MICU3: variants seen among roughly 807,000 people sequenced by gnomAD.
The protein encoded by MICU3 is calcium uptake protein 3, mitochondrial.
Under a neutral mutation model 66.5 loss-of-function variants are expected in MICU3, and 62 were observed. The observed-to-expected ratio is 0.93, with a 90% CI of 0.76 to 1.15. The LOEUF is 1.15. Ranked by LOEUF, MICU3 falls within the 50% of genes most tolerant of loss-of-function variation. MICU3 has a pLI of 0.00. For missense variants in MICU3, 779 were observed against 664.4 expected, an observed-to-expected ratio of 1.17 and a Z score of -1.90; for synonymous variants, 308 against 240.7, an observed-to-expected ratio of 1.28 and a Z score of -2.59.
At position 17,043,884 on chromosome 8, in the gene MICU3, G is replaced by A. The variant is rs187723825; in HGVS notation, c.381+16224G>A. Among the ~76,000 whole-genome samples the A allele has an allele frequency of 1.9e-4, 29 of 152,270 alleles. 1 individual carries two copies. The East Asian group carries it at 4.8e-3, about 25-fold the overall frequency. On this transcript the variant is annotated intron_variant, in intron 1 of 14. Transcript: ENST00000318063. ...ATCCTTCATACTTTGATTCAATATT[G>A]TAAATTTTGTGAGTTATAAGTACAA...
At chr8:17,101,078 T>G (rs1031334317) in intron 9 of MICU3, among the ~76,000 whole-genome samples, 1 of 151,900 alleles carries the variant, frequency 6.6e-6, no homozygotes, top group Admixed American at 6.6e-5. Flanking sequence ...AAAAATATGT[T>G]AAAAGAATAT....
intron 12 of MICU3, 146 bp downstream of exon 12, chr8:17,114,347 G>C (rs914084039): frequency 1.8e-6 from 1 of 553,724 alleles, no homozygotes; most frequent in Non-Finnish European, 3.2e-6. Flanking sequence ...AGTCAGTTCT[G>C]GTACTTGTCA....
chr8:17,108,287 G>A (rs2150819839), intron 11 of MICU3, among the ~76,000 whole-genome samples: 1 of 152,248 alleles, frequency 6.6e-6, no homozygotes, highest in East Asian at 1.9e-4. Flanking sequence ...TAGCGGTCAA[G>A]GGTGCAGTCA....
At chr8:17,059,500 C>G (rs925794243) in intron 1 of MICU3, among the ~76,000 whole-genome samples, 2 of 152,052 alleles carry the variant, frequency 1.3e-5, no homozygotes, top group African/African-American at 4.8e-5. Flanking sequence ...TTTTATAGAC[C>G]TACCACTCTA....
In MICU3 at chr8:17,027,264, GT is replaced by G; in HGVS notation, c.-15del. The stretch of plus-strand genomic sequence containing the variant: ...TTCTCTGCCCCCTCCCAGCTCTGGT[GT>G]GGGCGGCCTCCGCTATGGCTGCGCT... On this transcript the variant is annotated 5_prime_UTR_variant, in exon 1 of 15. Coordinates refer to ENST00000318063, the MANE Select transcript of MICU3 (RefSeq NM_181723.3). 8.9e-7 allele frequency: 1 copy of G among 1,120,266 alleles called. No homozygotes were observed. Among genetic ancestry groups the G allele is most frequent in the Non-Finnish European group, 1.1e-6 (1 of 917,500 alleles). 69.4% of individuals were successfully genotyped at this position (1,120,266 alleles called of 1,614,324 possible). A position where few individuals can be genotyped will look rare whatever the true frequency, so the allele number is the denominator to read the frequency against.
downstream of MICU3, among the ~76,000 whole-genome samples, chr8:17,124,253 T>A (rs1485835470): frequency 6.6e-6 from 1 of 152,136 alleles, no homozygotes; most frequent in Admixed American, 6.6e-5. Context: ...GTTATTATAT[T>A]TGCTTCCTTA....
In MICU3 at chr8:17,086,606, G is replaced by A. The variant is rs557559386; in HGVS notation, c.778-358G>A. Among the ~76,000 whole-genome samples the A allele has an allele frequency of 6.6e-4, 101 of 152,188 alleles. 1 individual carries two copies. The highest frequency in any genetic ancestry group is 6.0e-3 in the Admixed American group (91 of 15,282). ...TTTTAGGAACTTTCAGAATGGGCCT[G>A]TTTTTCTGCAGAACGTTCTATGTCC... On this transcript the variant is annotated intron_variant, in intron 6 of 14. Coordinates refer to ENST00000318063, the MANE Select transcript of MICU3 (RefSeq NM_181723.3).
In MICU3 at chr8:17,081,727, A is replaced by G. The variant is rs1821209765; in HGVS notation, c.681A>G (p.Leu227=). The stretch of plus-strand genomic sequence containing the variant: ...CTTACACAGAATATCTTTTTCTTTT[A>G]TGTATTTTAACAAGTAAGTATACTT... ...VISYTEYLFL[L]CILTKPHAGF... The change falls in exon 5 of 15, where the codon TTA becomes TTG. Residue 227 remains leucine, a synonymous_variant. Coordinates refer to ENST00000318063, the MANE Select transcript of MICU3 (RefSeq NM_181723.3). 2 of 928,066 alleles carry G rather than the reference A, an allele frequency of 2.2e-6. No individual in the cohort carries two copies. Among genetic ancestry groups the G allele is most frequent in the Non-Finnish European group, 3.3e-6 (2 of 612,980 alleles). 57.5% of individuals were successfully genotyped at this position (928,066 alleles called of 1,614,324 possible). A position where few individuals can be genotyped will look rare whatever the true frequency, so the allele number is the denominator to read the frequency against.
chr8:17,082,871 G>A (rs17624922), intron 5 of MICU3, among the ~76,000 whole-genome samples: 22,918 of 152,124 alleles, frequency 0.15, 2,260 homozygotes, highest in East Asian at 0.38. Flanking sequence ...TGAGAACAAG[G>A]AATGTGTACA....
intron 9 of MICU3, among the ~76,000 whole-genome samples, chr8:17,102,907 C>G (rs962313235): frequency 6.6e-6 from 1 of 151,854 alleles, no homozygotes; most frequent in African/African-American, 2.4e-5. Context: ...AGAGATCTAC[C>G]AAACAATGAC....
At chr8:17,069,420 C>A (rs1585324475) in intron 2 of MICU3, among the ~76,000 whole-genome samples, 1 of 151,962 alleles carries the variant, frequency 6.6e-6, no homozygotes, top group Admixed American at 6.6e-5. Context: ...CTTTATTAGT[C>A]CAGAAAGCCC....
intron 4 of MICU3, among the ~76,000 whole-genome samples, chr8:17,078,904 G>T (rs1820774109): frequency 6.6e-6 from 1 of 152,072 alleles, no homozygotes; most frequent in Admixed American, 6.5e-5. Context: ...CTTAAAGATT[G>T]CCATTCAGAT....
chr8:17,112,253 T>TAC (rs1802273149), intron 11 of MICU3, among the ~76,000 whole-genome samples: 57 of 152,338 alleles, frequency 3.7e-4, no homozygotes, highest in Admixed American at 3.7e-3. Context: ...GTACTCTCAG[T>TAC]GCATGTATTT....
chr8:17,118,357 A>T (rs1413871030), intron 13 of MICU3, among the ~76,000 whole-genome samples: 1 of 152,106 alleles, frequency 6.6e-6, no homozygotes, highest in East Asian at 1.9e-4. Context: ...TATATAGTGG[A>T]ATGATTATAT....
intron 11 of MICU3, among the ~76,000 whole-genome samples, chr8:17,107,699 A>G (rs1801857490): frequency 6.6e-6 from 1 of 152,190 alleles, no homozygotes; most frequent in Non-Finnish European, 1.5e-5. Context: ...AACAGAGACC[A>G]TGTAGCCAGT....
the MICU3 span, among the ~76,000 whole-genome samples, chr8:17,129,464 A>C: frequency 2.0e-5 from 3 of 152,238 alleles, no homozygotes; most frequent in East Asian, 1.9e-4. Context: ...AAACTATAAA[A>C]ACCAAATGAA....
intron 7 of MICU3, among the ~76,000 whole-genome samples, chr8:17,089,099 C>T (rs913431965): frequency 6.6e-5 from 10 of 151,896 alleles, no homozygotes; most frequent in South Asian, 2.1e-4. Context: ...TATTTATAAA[C>T]GAATGCTTAC....
rs933626503 is a variant in MICU3 at position 17,081,486 on chromosome 8, A to G, written c.647-207A>G. Among the ~76,000 whole-genome samples, 20 of 152,086 alleles carry G rather than the reference A, an allele frequency of 1.3e-4. 1 individual carries two copies. Among genetic ancestry groups the G allele is most frequent in the Admixed American group, 1.0e-3 (16 of 15,240 alleles). ...TTTTTGCCAATATATTTGAGAGCAT[A>G]ATGATTTTATATGGATATCTACAAA... On this transcript the variant is annotated intron_variant, in intron 4 of 14. Transcript: ENST00000318063.
intron 9 of MICU3, among the ~76,000 whole-genome samples, chr8:17,102,180 C>T (rs1236849036): frequency 6.6e-6 from 1 of 151,812 alleles, no homozygotes; most frequent in African/African-American, 2.4e-5. Context: ...TTCTGATCTA[C>T]TCTTGTCTCC....
Sources: gnomAD v4.1 joint callset for allele counts (sites outside exome capture counted in the v4.1 genomes callset) on GRCh38, gnomAD v4.1.1 for gene constraint, MANE v1.5 for transcripts, NCBI Gene and HGNC (gene_info 2026-07-23, HGNC 2026-07-21) for gene names.